Variants in HGD observed in about 807,000 individuals in gnomAD.
HGD encodes the protein homogentisate oxidase.
HGD carries 61 observed loss-of-function variants against 60.8 expected under a neutral mutation model. That is an observed-to-expected ratio of 1.00 (90% confidence interval 0.82 to 1.24). The LOEUF is 1.24. HGD is among the 50% of genes most tolerant of loss of function. The probability of loss-of-function intolerance (pLI) is 0.00; values close to 1 mark genes in which losing one functional copy is unlikely to be tolerated. For synonymous variants in HGD, 212 were observed against 187.7 expected (o/e 1.13, Z -1.06); for missense variants, 542 against 547.1 (o/e 0.99, Z 0.09).
intron 1 of HGD, among the ~76,000 whole-genome samples, chr3:120,676,893 A>T (rs1271763661): frequency 6.6e-6 from 1 of 152,218 alleles, no homozygotes; most frequent in East Asian, 1.9e-4. Context: ...AAACGGAGGG[A>T]TCAGCTGAAG....
intron 3 of HGD, among the ~76,000 whole-genome samples, chr3:120,670,828 G>A (rs578056678): frequency 6.6e-6 from 1 of 152,306 alleles, no homozygotes; most frequent in East Asian, 1.9e-4. Flanking sequence ...AACTATAAGG[G>A]AAGGGGAAGT....
At chr3:120,638,944 G>A (rs1323878883) in intron 11 of HGD, among the ~76,000 whole-genome samples, 1 of 152,122 alleles carries the variant, frequency 6.6e-6, no homozygotes, top group Non-Finnish European at 1.5e-5. Context: ...AGTCTCACAA[G>A]ATCTGATGGT....
intron 4 of HGD, among the ~76,000 whole-genome samples, chr3:120,658,560 G>A (rs752261263): frequency 3.0e-4 from 46 of 152,256 alleles, no homozygotes; most frequent in Non-Finnish European, 1.9e-4. Flanking sequence ...TCAGGTGCAC[G>A]GTGCAATCTG....
intron 4 of HGD, among the ~76,000 whole-genome samples, chr3:120,666,372 T>C (rs1707899715): frequency 6.6e-6 from 1 of 152,074 alleles, no homozygotes; most frequent in Non-Finnish European, 1.5e-5. Context: ...GCAAAGCCAT[T>C]CTAACCATAG....
chr3:120,651,995 G>A (rs1029898920), intron 5 of HGD, among the ~76,000 whole-genome samples: 5 of 152,184 alleles, frequency 3.3e-5, no homozygotes, highest in African/African-American at 7.2e-5. Flanking sequence ...AACCACAGCA[G>A]TATTAGAGGT....
chr3:120,677,760 T>A (rs185155669), intron 1 of HGD: 38 of 152,304 alleles, frequency 2.5e-4, no homozygotes, highest in African/African-American at 8.9e-4. Flanking sequence ...AACTTGCTGG[T>A]TTTTGTGGCT....
intron 1 of HGD, among the ~76,000 whole-genome samples, chr3:120,678,553 T>C (rs1361990016): frequency 6.6e-6 from 1 of 152,166 alleles, no homozygotes; most frequent in Non-Finnish European, 1.5e-5. Flanking sequence ...GTATAAATGG[T>C]TCTGAAGCAC....
intron 4 of HGD, 121 bp downstream of exon 4, chr3:120,670,306 T>A (rs907629119): frequency 5.6e-6 from 4 of 715,038 alleles, no homozygotes; most frequent in Non-Finnish European, 1.0e-5. Flanking sequence ...CACTTTAGCA[T>A]TTATTAAAAT....
chr3:120,642,536 T>A (rs1033898338), intron 10 of HGD, among the ~76,000 whole-genome samples: 3 of 152,164 alleles, frequency 2.0e-5, no homozygotes, highest in Non-Finnish European at 4.4e-5. Context: ...AAAAAATACA[T>A]AAAGCATTGA....
chr3:120,671,938 G>C (rs1708033099), intron 3 of HGD, among the ~76,000 whole-genome samples: 1 of 151,462 alleles, frequency 6.6e-6, no homozygotes, highest in African/African-American at 2.4e-5. Flanking sequence ...GCTGAACAAT[G>C]AGAACACATG....
intron 4 of HGD, among the ~76,000 whole-genome samples, chr3:120,666,522 G>A (rs1490679388): frequency 1.3e-5 from 2 of 152,022 alleles, no homozygotes; most frequent in East Asian, 3.9e-4. Context: ...TGCTCTTGTT[G>A]CCCAGGCTGT....
intron 13 of HGD, among the ~76,000 whole-genome samples, chr3:120,630,425 G>A (rs563650124): frequency 6.6e-6 from 1 of 152,034 alleles, no homozygotes; most frequent in East Asian, 1.9e-4. Flanking sequence ...ACAGAAACAG[G>A]CACATAGACC....
chr3:120,638,531 C>T lies in HGD; in HGVS notation c.930G>A (p.Val310=). The T allele has an allele frequency of 1.9e-6, 3 of 1,613,936 alleles. No individual in the cohort carries two copies. Among genetic ancestry groups the T allele is most frequent in the Non-Finnish European group, 2.5e-6 (3 of 1,179,938 alleles). ...GGAAGATGACAAAATCAGCAATGGC[C>T]ACTCCAGGGCGGACAGACTTAGCAG... ...VLTAKSVRPG[V]AIADFVIFPP... Residue 310 remains valine, a synonymous_variant, in exon 12 of 14, where the codon GTG becomes GTA. Transcript: ENST00000283871.
intron 1 of HGD, among the ~76,000 whole-genome samples, chr3:120,681,628 A>G (rs534126647): frequency 6.6e-6 from 1 of 152,332 alleles, no homozygotes; most frequent in East Asian, 1.9e-4. Flanking sequence ...GCGTATTACT[A>G]AAAAGAAGGA....
intron 4 of HGD, among the ~76,000 whole-genome samples, chr3:120,669,217 G>A (rs1379368089): frequency 1.3e-5 from 2 of 151,872 alleles, no homozygotes; most frequent in African/African-American, 2.4e-5. Context: ...CTTCAAAGAT[G>A]TCTGTATTGA....
chr3:120,647,887 G>A lies in HGD; in HGVS notation c.459C>T (p.Asp153=), dbSNP rs1337507258. The A allele has an allele frequency of 6.2e-7, 1 of 1,612,214 alleles. No homozygotes were observed. ...GTCTTCAGAACTCACCAATCAAGAA[G>A]TCCCCATCTGAATTGTAAAAGCATC... ...ENRCFYNSDG[D]FLIVPQKGNL... The change falls in exon 7 of 14, where the codon GAC becomes GAT. Residue 153 remains aspartate (D), a synonymous_variant. Transcript: ENST00000283871.
chr3:120,645,594 G>A (rs1019594300), intron 9 of HGD, among the ~76,000 whole-genome samples: 1 of 152,134 alleles, frequency 6.6e-6, no homozygotes, highest in African/African-American at 2.4e-5. Flanking sequence ...CTGGGGTGTG[G>A]TTTCTAGATC....
intron 12 of HGD, chr3:120,633,686 G>T: frequency 3.0e-6 from 3 of 998,276 alleles, no homozygotes; most frequent in Non-Finnish European, 4.1e-6. Context: ...TACGAGCCCT[G>T]TATCAAAGTT....
In HGD at chr3:120,675,875, A is replaced by G; in HGVS notation, c.16-12T>C. The G allele has an allele frequency of 6.2e-7, 1 of 1,606,392 alleles. No homozygotes were observed. Among genetic ancestry groups the G allele is most frequent in the Non-Finnish European group, 8.5e-7 (1 of 1,172,988 alleles). ...AATCCAGAAATGTACTGTAGGTGAC[A>G]AAGACACAAATGCCACCATTAGCAG... On this transcript the variant is annotated splice_polypyrimidine_tract_variant and intron_variant, in intron 1 of 13. Coordinates refer to ENST00000283871, the MANE Select transcript of HGD (RefSeq NM_000187.4).
Sources: gnomAD v4.1 joint callset for allele counts (sites outside exome capture counted in the v4.1 genomes callset) on GRCh38, gnomAD v4.1.1 for gene constraint, MANE v1.5 for transcripts, NCBI Gene and HGNC (gene_info 2026-07-23, HGNC 2026-07-21) for gene names.